RHPN2: variants seen among roughly 807,000 people sequenced by gnomAD.
RHPN2 encodes rhophilin Rho GTPase binding protein 2.
Under a neutral mutation model 79.0 loss-of-function variants are expected in RHPN2, and 40 were observed. The ratio of observed to expected loss-of-function variants is 0.51; its 90% CI spans 0.39 to 0.66. The LOEUF (loss-of-function observed/expected upper bound fraction) is 0.66, where lower values mean the gene tolerates loss of function less well. Among genes scored for constraint, RHPN2 ranks in the 30% least tolerant of loss-of-function variants. RHPN2 has a pLI of 0.00. For synonymous variants in RHPN2, 285 were observed against 363.5 expected (o/e 0.78, Z 2.46); for missense variants, 686 against 883.5 (o/e 0.78, Z 2.83).
chr19:33,059,502 G>A (rs568701386), intron 1 of RHPN2, among the ~76,000 whole-genome samples: 55 of 152,026 alleles, frequency 3.6e-4, no homozygotes, highest in African/African-American at 1.3e-3. Context: ...GTTTCACCGT[G>A]TTGGCCAGGC....
intron 7 of RHPN2, among the ~76,000 whole-genome samples, chr19:33,006,146 C>T (rs1008520973): frequency 7.9e-5 from 12 of 152,046 alleles, no homozygotes; most frequent in African/African-American, 2.7e-4. Context: ...TCCTAAAGTG[C>T]TGGGATTACA....
At chr19:33,058,858 A>G (rs964659875) in intron 1 of RHPN2, among the ~76,000 whole-genome samples, 1 of 152,130 alleles carries the variant, frequency 6.6e-6, no homozygotes, top group Non-Finnish European at 1.5e-5. Context: ...GCACTTTGGG[A>G]GGCCAAGGTG....
intron 4 of RHPN2, among the ~76,000 whole-genome samples, chr19:33,020,921 T>C (rs375889994): frequency 6.6e-6 from 1 of 152,206 alleles, no homozygotes; most frequent in South Asian, 2.1e-4. Context: ...CTTGGAAGAA[T>C]TGAGTACACA....
chr19:33,040,196 A>C (rs1043597946), intron 2 of RHPN2, among the ~76,000 whole-genome samples: 1 of 149,270 alleles, frequency 6.7e-6, no homozygotes, highest in Non-Finnish European at 1.5e-5. Flanking sequence ...TCAAAGAACT[A>C]GTTAGCTAAA....
chr19:33,021,548 G>T (rs1236108093), intron 4 of RHPN2, 23 bp downstream of exon 4: 6 of 1,597,718 alleles, frequency 3.8e-6, no homozygotes, highest in East Asian at 2.2e-5. Context: ...ACTGAGTCTG[G>T]TGCCCATGGC....
chr19:33,038,683 G>A (rs2145259045), intron 2 of RHPN2, among the ~76,000 whole-genome samples: 1 of 146,138 alleles, frequency 6.8e-6, no homozygotes, highest in Non-Finnish European at 1.5e-5. Flanking sequence ...TAAGAGACAG[G>A]GTCTCACTCT....
intron 14 of RHPN2, among the ~76,000 whole-genome samples, chr19:32,983,958 C>T (rs1178200017): frequency 3.3e-5 from 5 of 152,148 alleles, no homozygotes; most frequent in Admixed American, 1.3e-4. Flanking sequence ...ACCACCCATT[C>T]CTCACTCAAA....
intron 7 of RHPN2, among the ~76,000 whole-genome samples, chr19:33,006,418 C>T (rs1259334932): frequency 6.6e-6 from 1 of 151,956 alleles, no homozygotes; most frequent in Non-Finnish European, 1.5e-5. Context: ...GCTGGTAGGA[C>T]CAATCATTAT....
intron 7 of RHPN2, 109 bp downstream of exon 7, chr19:33,007,905 T>G: frequency 9.9e-7 from 1 of 1,005,972 alleles, no homozygotes; most frequent in Non-Finnish European, 1.4e-6. Context: ...AGCTGGAGAC[T>G]GGTCTGGCCC....
chr19:33,017,521 T>C (rs1389568615), intron 4 of RHPN2, among the ~76,000 whole-genome samples: 5 of 152,034 alleles, frequency 3.3e-5, no homozygotes, highest in Admixed American at 6.6e-5. Context: ...GTCACATCTA[T>C]TTTTGCATTT....
chr19:32,987,079 T>A (rs1351774936), intron 14 of RHPN2, among the ~76,000 whole-genome samples: 1 of 151,760 alleles, frequency 6.6e-6, no homozygotes, highest in Non-Finnish European at 1.5e-5. Flanking sequence ...GGTCTCGCCA[T>A]GTTGCCCAGG....
At chr19:33,015,789 C>T (rs530534092) in intron 4 of RHPN2, among the ~76,000 whole-genome samples, 23 of 152,258 alleles carry the variant, frequency 1.5e-4, no homozygotes, top group African/African-American at 5.3e-4. Context: ...TGGCTCACAT[C>T]TGTAATCCCA....
chr19:32,980,825 ATTTTTTGTTTG>A (rs1971567908), intron 14 of RHPN2, among the ~76,000 whole-genome samples: 1 of 151,540 alleles, frequency 6.6e-6, no homozygotes, highest in African/African-American at 2.4e-5. Flanking sequence ...AACAAGGATA[ATTTTTTGTTTG>A]TTTTTTGTTT....
At chr19:32,991,757 A>G (rs2146002315) in intron 13 of RHPN2, 66 bp downstream of exon 13, 1 of 1,601,070 alleles carries the variant, frequency 6.2e-7, no homozygotes, top group South Asian at 1.1e-5. Context: ...ACATGGGTGA[A>G]CCCACCCTAA....
chr19:32,996,080 G>C lies in RHPN2; in HGVS notation c.1366C>G (p.Gln456Glu), dbSNP rs751277431. 1.9e-6 allele frequency: 3 copies of C among 1,613,886 alleles called. No individual in the cohort carries two copies. In the Admixed American group the frequency reaches 5.0e-5, roughly 27 times the overall value. The change falls in exon 11 of 15, where the codon CAG becomes GAG. Residue 456 changes from glutamine (Q) to glutamate (E), a missense_variant. By Grantham distance (29) the Gln-to-Glu change is conservative. Coordinates refer to ENST00000254260, the MANE Select transcript of RHPN2 (RefSeq NM_033103.5). ...AQERSRLTYAQHQEEDDLLNL... is the reference protein window; with the variant it reads ...AQERSRLTYAEHQEEDDLLNL... ...AGCAGGTCATCCTCCTCCTGGTGCT[G>C]GGCGTACGTGAGCCGGGAGCGTTCC...
chr19:33,048,452 A>G (rs917420245), intron 1 of RHPN2, among the ~76,000 whole-genome samples: 3 of 151,402 alleles, frequency 2.0e-5, no homozygotes, highest in Non-Finnish European at 2.9e-5. Flanking sequence ...TTGGCCGGGC[A>G]TAGTAGTTCA....
chr19:33,056,509 T>C (rs1299804203), intron 1 of RHPN2, among the ~76,000 whole-genome samples: 1 of 152,172 alleles, frequency 6.6e-6, no homozygotes, highest in Non-Finnish European at 1.5e-5. Context: ...TCTATCAGGA[T>C]GCAGCATTCT....
At chr19:33,031,210 TTTCTATTCTATTCTATTCTA>T (rs150522688) in intron 2 of RHPN2, among the ~76,000 whole-genome samples, 38 of 145,144 alleles carry the variant, frequency 2.6e-4, no homozygotes, top group African/African-American at 5.1e-4. Context: ...TATTCTATTC[TTTCTATTCTATTCTATTCTA>T]TTCTATTCTA....
rs779246660 is a variant in RHPN2, at chr19:33,044,293, G to A, written c.141C>T (p.Ile47=). 1.4e-5 allele frequency: 22 copies of A among 1,614,022 alleles called. No individual in the cohort carries two copies. In the South Asian group the frequency reaches 2.4e-4, roughly 18 times the overall value. ...CGGTCCTCATCCGCACGGCTTTCAG[G>A]ATCTGCTGATTCAAAGCAGCTCTTT... ...QNQRAALNQQ[I]LKAVRMRTGA... The change falls in exon 2 of 15, where the codon ATC becomes ATT. Residue 47 remains isoleucine, a synonymous_variant. Coordinates refer to ENST00000254260, the MANE Select transcript of RHPN2 (RefSeq NM_033103.5).
Sources: gnomAD v4.1 joint callset for allele counts (sites outside exome capture counted in the v4.1 genomes callset) on GRCh38, gnomAD v4.1.1 for gene constraint, MANE v1.5 for transcripts, NCBI Gene and HGNC (gene_info 2026-07-23, HGNC 2026-07-21) for gene names.